The following CWC27 variants were observed in gnomAD, a reference collection of about 807,000 sequenced individuals.
CWC27 encodes the protein spliceosome-associated protein CWC27 homolog.
A neutral mutation model predicts 63.6 loss-of-function variants in CWC27; 47 were observed. The observed-to-expected ratio is 0.74, with a 90% CI of 0.58 to 0.94. The LOEUF (loss-of-function observed/expected upper bound fraction) is 0.94, where lower values mean the gene tolerates loss of function less well. Among genes scored for constraint, CWC27 ranks in the 40% least tolerant of loss-of-function variants. CWC27 has a pLI of 0.00. For synonymous variants in CWC27, 175 were observed against 179.8 expected (o/e 0.97, Z 0.22); for missense variants, 495 against 554.3 (o/e 0.89, Z 1.07).
In CWC27 at chr5:64,774,760, A is replaced by G; in HGVS notation, c.112A>G (p.Arg38Gly). ...GTCCAAAGAAGCTCCTAAAGCTTGC[A>G]GAAATTTTATCCAACTTTGTTTGGA... is the stretch of plus-strand genomic sequence containing the variant. The part of the protein sequence containing the change: ...LWSKEAPKAC[R>G]NFIQLCLEAY... The change falls in exon 2 of 14, where the codon AGA (arginine) becomes GGA (glycine). Residue 38 changes from arginine (R) to glycine (G), a missense_variant. Physicochemically the swap from Arg to Gly is moderately radical, Grantham distance 125 (BLOSUM62 -2). This residue lies in a region of CWC27 where 463 missense variants were observed against 498.1 expected (regional missense o/e 0.93). Transcript: ENST00000381070. 1 of 1,603,750 alleles carries G rather than the reference A, an allele frequency of 6.2e-7. No individual in the cohort carries two copies. The highest frequency in any genetic ancestry group is 8.5e-7 in the Non-Finnish European group (1 of 1,175,666).
chr5:64,942,097 T>C (rs1748493827), intron 11 of CWC27, among the ~76,000 whole-genome samples: 2 of 152,014 alleles, frequency 1.3e-5, no homozygotes, highest in African/African-American at 4.8e-5. Flanking sequence ...TTAAAGCATT[T>C]TTGAGTGCAG....
chr5:64,929,553 G>A (rs1748194931), intron 11 of CWC27, among the ~76,000 whole-genome samples: 1 of 152,126 alleles, frequency 6.6e-6, no homozygotes. Context: ...CAAAGCATTT[G>A]AATAGACATT....
At position 65,002,544 on chromosome 5, in the gene CWC27, C is replaced by T. The variant is rs751338783; in HGVS notation, c.1257-15615C>T. On this transcript the variant is annotated intron_variant, in intron 13 of 13. Coordinates refer to ENST00000381070, the MANE Select transcript of CWC27 (RefSeq NM_005869.4). ...TTTCTCCTTAATTTCTTCATTGATT[C>T]AGTGGTCATTTGGGAGCATGTTGTT... 7.6e-4 allele frequency among the ~76,000 whole-genome samples: 116 copies of T among 152,178 alleles called. 2 individuals are homozygous for T. The highest frequency in any genetic ancestry group is 4.3e-4 in the Non-Finnish European group (29 of 67,988).
chr5:64,882,248 T>C (rs759520490), intron 10 of CWC27, among the ~76,000 whole-genome samples: 3 of 152,192 alleles, frequency 2.0e-5, no homozygotes, highest in Admixed American at 6.5e-5. Context: ...CAAGGGAAAT[T>C]TAAAGTCTGG....
At chr5:64,959,662 A>G (rs1383335221) in intron 11 of CWC27, among the ~76,000 whole-genome samples, 1 of 152,196 alleles carries the variant, frequency 6.6e-6, no homozygotes, top group Non-Finnish European at 1.5e-5. Flanking sequence ...CAACTTAATT[A>G]GGCAACCATC....
At chr5:64,828,402 A>G (rs993087076) in intron 10 of CWC27, among the ~76,000 whole-genome samples, 3 of 152,010 alleles carry the variant, frequency 2.0e-5, no homozygotes, top group African/African-American at 7.3e-5. Context: ...ACAAAATACC[A>G]TAGTCCGGCT....
rs188169332 is a variant in CWC27, at chr5:64,975,860, T to C, written c.1153-1275T>C. Reference sequence around the variant, plus strand: ...CGTGTGGAACACTTGAGGTCAGGAATTGGAGACCGGCCTGGCCAATATAAT... The same window carrying C: ...CGTGTGGAACACTTGAGGTCAGGAACTGGAGACCGGCCTGGCCAATATAAT... On this transcript the variant is annotated intron_variant, in intron 12 of 13. Transcript: ENST00000381070. 5.4e-4 allele frequency among the ~76,000 whole-genome samples: 82 copies of C among 152,226 alleles called. 1 individual carries two copies. In the East Asian group the frequency reaches 0.015, roughly 29 times the overall value.
chr5:64,808,327 A>C (rs1744761235), intron 10 of CWC27: 5 of 989,014 alleles, frequency 5.1e-6, no homozygotes, highest in Non-Finnish European at 6.0e-6. Context: ...AGTTGTCAGC[A>C]AGTTGGTACT....
chr5:64,995,192 A>C (rs890092173), intron 13 of CWC27, among the ~76,000 whole-genome samples: 2 of 151,940 alleles, frequency 1.3e-5, no homozygotes, highest in African/African-American at 4.8e-5. Flanking sequence ...GGCTGGTCTC[A>C]AACTCCTGGC....
chr5:64,775,258 G>C (rs190612571), intron 2 of CWC27, among the ~76,000 whole-genome samples: 1 of 152,238 alleles, frequency 6.6e-6, no homozygotes, highest in East Asian at 1.9e-4. Flanking sequence ...AACAAAACCA[G>C]TGTAAAACCA....
At chr5:64,843,735 A>T (rs1745903866) in intron 10 of CWC27, among the ~76,000 whole-genome samples, 1 of 152,220 alleles carries the variant, frequency 6.6e-6, no homozygotes, top group Admixed American at 6.5e-5. Context: ...TTACTTGCTT[A>T]TCTTTTTCTA....
chr5:64,879,725 C>G (rs1019062812), intron 10 of CWC27, among the ~76,000 whole-genome samples: 6 of 149,590 alleles, frequency 4.0e-5, no homozygotes, highest in Admixed American at 6.7e-5. Flanking sequence ...GATTACAAGT[C>G]AGGTATTAAA....
At chr5:64,771,049 A>G (rs1406192145) in intron 1 of CWC27, among the ~76,000 whole-genome samples, 3 of 152,252 alleles carry the variant, frequency 2.0e-5, no homozygotes, top group Non-Finnish European at 4.4e-5. Flanking sequence ...ATAATCATGC[A>G]AATAAATGTT....
intron 11 of CWC27, among the ~76,000 whole-genome samples, chr5:64,895,439 A>C (rs1747348725): frequency 6.6e-6 from 1 of 152,226 alleles, no homozygotes; most frequent in Non-Finnish European, 1.5e-5. Context: ...AAACAATAAA[A>C]GAATTTAGTT....
At chr5:64,779,841 C>T (rs1191345926) in intron 2 of CWC27, among the ~76,000 whole-genome samples, 1 of 152,174 alleles carries the variant, frequency 6.6e-6, no homozygotes, top group Admixed American at 6.5e-5. Flanking sequence ...GAGTGAGTCT[C>T]ATGAGATCTG....
At chr5:64,839,731 A>G (rs575813389) in intron 10 of CWC27, among the ~76,000 whole-genome samples, 2 of 152,222 alleles carry the variant, frequency 1.3e-5, no homozygotes, top group Non-Finnish European at 2.9e-5. Flanking sequence ...TTAATGAGAT[A>G]GATTACAGTG....
intron 13 of CWC27, among the ~76,000 whole-genome samples, chr5:65,004,378 CTT>C (rs70983659): frequency 2.7e-3 from 213 of 79,526 alleles, no homozygotes; most frequent in Middle Eastern, 0.012. Context: ...GTTGTATAGG[CTT>C]TTTTTTTTTT....
intron 10 of CWC27, among the ~76,000 whole-genome samples, chr5:64,832,887 G>C (rs939023847): frequency 2.6e-5 from 4 of 151,658 alleles, no homozygotes; most frequent in Non-Finnish European, 5.9e-5. Flanking sequence ...GAGTTTCCCA[G>C]GGTCCACAAA....
At chr5:64,852,472 G>A (rs901747752) in intron 10 of CWC27, among the ~76,000 whole-genome samples, 1 of 142,436 alleles carries the variant, frequency 7.0e-6, no homozygotes, top group Non-Finnish European at 1.5e-5. Flanking sequence ...CTTAAAGGAC[G>A]AAAACCTTTT....
Sources: allele counts gnomAD v4.1 joint callset (sites outside exome capture counted in the v4.1 genomes callset), GRCh38; gene constraint gnomAD v4.1.1; regional missense constraint gnomAD v4.1.1; transcripts MANE v1.5; gene names NCBI Gene and HGNC (gene_info 2026-07-23, HGNC 2026-07-21).